Variants in ZNF676 observed in about 807,000 individuals in gnomAD.
ZNF676 encodes zinc finger protein 676.
Under a neutral mutation model 6.0 loss-of-function variants are expected in ZNF676, and 4 were observed. The observed-to-expected ratio is 0.67, with a 90% CI of 0.33 to 1.53. The LOEUF (loss-of-function observed/expected upper bound fraction) is 1.53, where lower values mean the gene tolerates loss of function less well. Ranked by LOEUF, ZNF676 falls within the 40% of genes most tolerant of loss-of-function variation. The pLI, the probability that ZNF676 is intolerant of heterozygous loss-of-function variation, is 0.06. For missense variants in ZNF676, 644 were observed against 679.7 expected (o/e 0.95, Z 0.58); for synonymous variants, 198 against 223.1 (o/e 0.89, Z 1.00).
At chr19:22,196,461 A>G in intron 1 of ZNF676, 139 bp downstream of exon 1, 1 of 1,515,796 alleles carries the variant, frequency 6.6e-7, no homozygotes, top group African/African-American at 1.4e-5. Flanking sequence ...CAAGGAGTCC[A>G]CGACCCCTTC....
At chr19:22,192,986 T>G (rs777885659) in intron 2 of ZNF676, 30 bp downstream of exon 2, 1 of 1,583,846 alleles carries the variant, frequency 6.3e-7, no homozygotes, top group Admixed American at 1.8e-5. Flanking sequence ...GGACTTCTCA[T>G]TCATGTTGTC....
At chr19:22,216,025 A>G (rs892466966), upstream of ZNF676, among the ~76,000 whole-genome samples, 2 of 152,208 alleles carry the variant, frequency 1.3e-5, no homozygotes, top group Non-Finnish European at 2.9e-5. Context: ...TCTCTTCTTT[A>G]TTCTCTCTTT....
At chr19:22,225,909 G>A in the ZNF676 span, among the ~76,000 whole-genome samples, 2 of 151,650 alleles carry the variant, frequency 1.3e-5, no homozygotes, top group Non-Finnish European at 2.9e-5. Context: ...CTCTCTTGAA[G>A]TTTTTTTTGA....
chr19:22,221,561 G>T, the ZNF676 span, among the ~76,000 whole-genome samples: 2 of 152,144 alleles, frequency 1.3e-5, no homozygotes, highest in African/African-American at 4.8e-5. Context: ...AACCAGCCTG[G>T]TCAACATGGT....
chr19:22,251,725 T>C, the ZNF676 span, among the ~76,000 whole-genome samples: 1 of 149,314 alleles, frequency 6.7e-6, no homozygotes, highest in African/African-American at 2.5e-5. Flanking sequence ...GAGCCAGAGT[T>C]GCAGTGAGCC....
chr19:22,210,775 C>T (rs980912789), intron 1 of ZNF676, among the ~76,000 whole-genome samples: 24 of 152,272 alleles, frequency 1.6e-4, no homozygotes, highest in African/African-American at 5.3e-4. Context: ...TAAAATACTT[C>T]TTAATCAAAC....
intron 1 of ZNF676, among the ~76,000 whole-genome samples, chr19:22,208,230 G>T (rs958702392): frequency 6.8e-5 from 9 of 132,418 alleles, no homozygotes; most frequent in South Asian, 4.7e-4. Context: ...GAATCCGTAA[G>T]AACTAAAACA....
rs2023730680 is a variant in ZNF676, at chr19:22,180,888, C to T, written c.829G>A (p.Glu277Lys). Residue 277 changes from glutamate (E) to lysine (K), a missense_variant, in exon 3 of 3, where the codon GAA (glutamate) becomes AAA (lysine). Glu to Lys is a moderately conservative substitution (Grantham distance 56). Transcript: ENST00000397121. ...TCTTCACATTTGTAGGGCTTCTCTT[C>T]AGCATGAATTGCCTTATGTGTATTA... ...TLNTHKAIHAEEKPYKCEECG... is the reference protein window; with the variant it reads ...TLNTHKAIHAKEKPYKCEECG... 1 of 1,425,408 alleles carries T rather than the reference C, an allele frequency of 7.0e-7. No homozygotes were observed. Among genetic ancestry groups the T allele is most frequent in the African/African-American group, 1.5e-5 (1 of 67,530 alleles). 88.3% of individuals were successfully genotyped at this position (1,425,408 alleles called of 1,614,324 possible).
At chr19:22,215,064 C>A (rs61616269) in intron 1 of ZNF676, among the ~76,000 whole-genome samples, 59,674 of 135,248 alleles carry the variant, frequency 0.44, 13,831 homozygotes, top group African/African-American at 0.6. Context: ...AAAAAAACAA[C>A]AAAAAACCAG....
chr19:22,233,236 T>C, the ZNF676 span, among the ~76,000 whole-genome samples: 1 of 152,208 alleles, frequency 6.6e-6, no homozygotes, highest in Non-Finnish European at 1.5e-5. Context: ...GCTGGTCTCC[T>C]AGGCTCAAGT....
intron 2 of ZNF676, among the ~76,000 whole-genome samples, chr19:22,191,773 T>C (rs1260150121): frequency 6.6e-6 from 1 of 152,168 alleles, no homozygotes; most frequent in Non-Finnish European, 1.5e-5. Context: ...CCAGCAGCCT[T>C]GTGACCAAGC....
upstream of ZNF676, among the ~76,000 whole-genome samples, chr19:22,200,048 T>G (rs1264551618): frequency 1.3e-5 from 2 of 152,124 alleles, no homozygotes; most frequent in Non-Finnish European, 2.9e-5. Context: ...AGGGTGAATA[T>G]GAACAGGGCT....
At chr19:22,222,422 T>C in the ZNF676 span, among the ~76,000 whole-genome samples, 1 of 152,168 alleles carries the variant, frequency 6.6e-6, no homozygotes, top group Non-Finnish European at 1.5e-5. Context: ...GTACTGTTTA[T>C]GTTTTTTTTA....
chr19:22,235,701 A>C, the ZNF676 span, among the ~76,000 whole-genome samples: 1 of 152,216 alleles, frequency 6.6e-6, no homozygotes, highest in Admixed American at 6.5e-5. Flanking sequence ...GCAATGGACA[A>C]CTGTGATATT....
At chr19:22,250,651 C>T in the ZNF676 span, among the ~76,000 whole-genome samples, 353 of 150,862 alleles carry the variant, frequency 2.3e-3, 2 homozygotes, top group African/African-American at 8.3e-3. Context: ...GAGATGGCTT[C>T]CAACTATGTC....
the ZNF676 span, among the ~76,000 whole-genome samples, chr19:22,224,843 A>T: frequency 1.3e-5 from 2 of 152,158 alleles, no homozygotes; most frequent in South Asian, 2.1e-4. Flanking sequence ...AAAAAATTTT[A>T]AAATAACAAG....
At chr19:22,221,065 T>G in the ZNF676 span, among the ~76,000 whole-genome samples, 33 of 152,120 alleles carry the variant, frequency 2.2e-4, no homozygotes, top group African/African-American at 7.7e-4. Flanking sequence ...ATTTCAAATT[T>G]ATTTAGTTCT....
In ZNF676 at chr19:22,180,111, C is replaced by T; in HGVS notation, c.1606G>A (p.Glu536Lys). 6.2e-7 allele frequency: 1 copy of T among 1,613,866 alleles called. No individual in the cohort carries two copies. The highest frequency in any genetic ancestry group is 8.5e-7 in the Non-Finnish European group (1 of 1,179,954). The change falls in exon 3 of 3, where the codon GAA (glutamate) becomes AAA (lysine). Residue 536 changes from glutamate (E) to lysine (K), a missense_variant. Around this residue, in one of 5 missense-constraint regions of ZNF676, gnomAD observed 306 missense variants for 265.4 expected, o/e 1.15. Transcript: ENST00000397121. The stretch of plus-strand genomic sequence containing the variant: ...CTGCTGAAGGCTTTGCCACATTCTT[C>T]ACATTTGTAGGGTTTCTCTCCAGTA... ...IHTGEKPYKC[E>K]ECGKAFSRSS...
rs781568256 is a variant in ZNF676 at position 22,181,588 on chromosome 19, T to C, written c.131-2A>G. 1 of 1,530,776 alleles carries C rather than the reference T, an allele frequency of 6.5e-7. No individual in the cohort carries two copies. The highest frequency in any genetic ancestry group is 2.3e-5 in the East Asian group (1 of 43,650). The allele number at this position is 1,530,776 out of a possible 1,614,324, so 94.8% of individuals were successfully genotyped here. On this transcript the variant is annotated splice_acceptor_variant, in intron 2 of 2. Transcript: ENST00000397121. LOFTEE classifies it high-confidence loss of function. The stretch of plus-strand genomic sequence containing the variant: ...CTTGGGAAAAATGAGAACATATAAC[T>C]GAAAAGAAATAAAAATAACAAATTA...
Sources: allele counts gnomAD v4.1 joint callset (sites outside exome capture counted in the v4.1 genomes callset), GRCh38; gene constraint gnomAD v4.1.1; regional missense constraint gnomAD v4.1.1; transcripts MANE v1.5; gene names NCBI Gene and HGNC (gene_info 2026-07-23, HGNC 2026-07-21).